The following VPS13D variants were observed in gnomAD, a reference collection of about 807,000 sequenced individuals.
VPS13D encodes intermembrane lipid transfer protein VPS13D.
VPS13D carries 187 observed loss-of-function variants against 461.9 expected under a neutral mutation model. The observed-to-expected ratio is 0.40, with a 90% CI of 0.36 to 0.46. The LOEUF (loss-of-function observed/expected upper bound fraction) is 0.46. VPS13D is among the 20% of genes least tolerant of loss of function. The probability of loss-of-function intolerance (pLI) is 0.60; values close to 1 mark genes in which losing one functional copy is unlikely to be tolerated. For missense variants in VPS13D, 4,711 were observed against 5,364.9 expected, an observed-to-expected ratio of 0.88 and a Z score of 3.81; for synonymous variants, 1,951 against 1,986.3, an observed-to-expected ratio of 0.98 and a Z score of 0.47.
chr1:12,245,604 A>C (rs1466644921), intron 5 of VPS13D, among the ~76,000 whole-genome samples: 1 of 152,176 alleles, frequency 6.6e-6, no homozygotes, highest in Non-Finnish European at 1.5e-5. Context: ...TGTACCTGTA[A>C]TCCCAGCTAC....
In VPS13D at chr1:12,495,921, C is replaced by T. The variant is rs944955487; in HGVS notation, c.12663-1579C>T. Among the ~76,000 whole-genome samples, 4 of 152,190 alleles carry T rather than the reference C, an allele frequency of 2.6e-5. No homozygotes were observed. Among genetic ancestry groups the T allele is most frequent in the Non-Finnish European group, 4.4e-5 (3 of 68,034 alleles). ...CACGCCAAGCTCCTTCCCCCAACCC[C>T]GCTGCCTGCAGAGGTTACCAGCATC... On this transcript the variant is annotated intron_variant, in intron 67 of 69. Transcript: ENST00000620676. This position sits in a 1 kb window ranked among gnomAD's most constrained non-coding sequence, Gnocchi z 4.0.
intron 68 of VPS13D, among the ~76,000 whole-genome samples, chr1:12,501,080 C>T (rs756945838): frequency 5.3e-5 from 8 of 151,866 alleles, no homozygotes; most frequent in Admixed American, 2.0e-4. Context: ...GCATGGTTAG[C>T]AAATCCAAGA....
intron 67 of VPS13D, among the ~76,000 whole-genome samples, chr1:12,472,026 C>G (rs1645569442): frequency 6.6e-6 from 1 of 152,174 alleles, no homozygotes; most frequent in Non-Finnish European, 1.5e-5. Context: ...AATTCTCCCT[C>G]TTGATGTCCT....
Position 12,389,138 on chromosome 1 carries a change from T to C in VPS13D, c.11634+2804T>C, listed in dbSNP as rs566555315. Among the ~76,000 whole-genome samples, 16 of 152,300 alleles carry C rather than the reference T, an allele frequency of 1.1e-4. No homozygotes were observed. In the South Asian group the frequency reaches 3.3e-3, roughly 32 times the overall value. On this transcript the variant is annotated intron_variant, in intron 60 of 69. Transcript: ENST00000620676. The stretch of plus-strand genomic sequence containing the variant: ...GAAAGCATCCAGCATGGGAGAAAGA[T>C]GTAGGCTGGGAGGGTAGGCCTGTCT...
chr1:12,501,561 G>T (rs987732835), intron 68 of VPS13D, among the ~76,000 whole-genome samples: 2 of 152,222 alleles, frequency 1.3e-5, no homozygotes, highest in African/African-American at 4.8e-5. Flanking sequence ...AGCATCCAAA[G>T]TTGCCTGTGC....
chr1:12,488,948 T>C (rs1357312905), intron 67 of VPS13D, among the ~76,000 whole-genome samples: 1 of 152,222 alleles, frequency 6.6e-6, no homozygotes, highest in East Asian at 1.9e-4. Flanking sequence ...CGCCTTGTTC[T>C]TCCATGATGT....
At position 12,308,423 on chromosome 1, in the gene VPS13D, C is replaced by T; in HGVS notation, c.6440-8C>T. The T allele has an allele frequency of 5.0e-6, 8 of 1,613,982 alleles. No individual in the cohort carries two copies. Among genetic ancestry groups the T allele is most frequent in the South Asian group, 1.1e-5 (1 of 91,044 alleles). On this transcript the variant is annotated splice_polypyrimidine_tract_variant and splice_region_variant and intron_variant, in intron 26 of 69. Transcript: ENST00000620676. Reference sequence around the variant, plus strand: ...CTTCATTACCTCTCTTTCCTTGGGTCCTTGTAGAAGACCATGTCTGCCTGC... The same window carrying T: ...CTTCATTACCTCTCTTTCCTTGGGTTCTTGTAGAAGACCATGTCTGCCTGC...
At chr1:12,506,668 C>T (rs1396631540) in intron 68 of VPS13D, among the ~76,000 whole-genome samples, 185 bp from the exon 69 acceptor site, 1 of 152,266 alleles carries the variant, frequency 6.6e-6, no homozygotes, top group African/African-American at 2.4e-5. Context: ...TTTAAGCTAT[C>T]CAAAAATGCT....
chr1:12,467,385 C>T (rs544221524), intron 67 of VPS13D, among the ~76,000 whole-genome samples: 66 of 152,162 alleles, frequency 4.3e-4, no homozygotes, highest in African/African-American at 1.4e-3. Flanking sequence ...TTGGCCAGGC[C>T]GGTCTCGAAC....
intron 68 of VPS13D, among the ~76,000 whole-genome samples, chr1:12,504,935 C>T (rs911947720): frequency 3.3e-5 from 5 of 151,612 alleles, no homozygotes; most frequent in Non-Finnish European, 2.9e-5. Flanking sequence ...AGGGTGGTGG[C>T]GCTGGGGGCT....
intron 67 of VPS13D, among the ~76,000 whole-genome samples, chr1:12,483,653 TATA>T (rs1275122016): frequency 6.6e-6 from 1 of 152,208 alleles, no homozygotes; most frequent in Non-Finnish European, 1.5e-5. Context: ...ATCATGACTT[TATA>T]AAAGACCATC....
At chr1:12,332,968 G>C (rs914084595) in intron 37 of VPS13D, among the ~76,000 whole-genome samples, 1 of 152,132 alleles carries the variant, frequency 6.6e-6, no homozygotes, top group Non-Finnish European at 1.5e-5. Flanking sequence ...CACATACACT[G>C]CCTGCCCTCC....
In VPS13D at chr1:12,277,220, T is replaced by C; in HGVS notation, c.3632T>C (p.Phe1211Ser). Reference protein sequence around the residue: ...TKVNVSMGSTFDMNGSLGCLQ... With the variant: ...TKVNVSMGSTSDMNGSLGCLQ... ...GTTAATGTCTCAATGGGTAGCACGT[T>C]TGACATGAATGGTTCTCTTGGCTGT... is the stretch of plus-strand genomic sequence containing the variant. Residue 1211 changes from phenylalanine to serine, a missense_variant, in exon 19 of 70, where the codon TTT (phenylalanine) becomes TCT (serine). Physicochemically the swap from Phe to Ser is radical, Grantham distance 155. Coordinates refer to ENST00000620676, the MANE Select transcript of VPS13D (RefSeq NM_015378.4). 6.2e-7 allele frequency: 1 copy of C among 1,614,226 alleles called. No individual in the cohort carries two copies. The highest frequency in any genetic ancestry group is 1.1e-5 in the South Asian group (1 of 91,084).
Position 12,276,039 on chromosome 1 carries a change from C to T in VPS13D, c.2451C>T (p.Tyr817=), listed in dbSNP as rs1641601300. Residue 817 remains tyrosine, a synonymous_variant, in exon 19 of 70, where the codon TAC becomes TAT. Coordinates refer to ENST00000620676, the MANE Select transcript of VPS13D (RefSeq NM_015378.4). The surrounding 1 kb of genome is among the most constrained non-coding windows in gnomAD (Gnocchi z 4.5). ...HLMSTKMYER[Y]SLSFMDLQIM... ...TGAGCACAAAGATGTATGAGAGGTA[C>T]TCGCTGTCATTTATGGACCTCCAGA... 1 of 1,614,086 alleles carries T rather than the reference C, an allele frequency of 6.2e-7. No homozygotes were observed. The highest frequency in any genetic ancestry group is 8.5e-7 in the Non-Finnish European group (1 of 1,180,030).
intron 67 of VPS13D, among the ~76,000 whole-genome samples, chr1:12,475,489 C>G (rs1210135235): frequency 6.6e-6 from 1 of 151,930 alleles, no homozygotes; most frequent in Non-Finnish European, 1.5e-5. Context: ...TATGGCAGCC[C>G]GATAATGGAT....
chr1:12,257,266 A>T (rs1434921468), intron 9 of VPS13D, among the ~76,000 whole-genome samples, 179 bp downstream of exon 9: 5 of 152,136 alleles, frequency 3.3e-5, no homozygotes. Flanking sequence ...CTTTCTGTAT[A>T]TTTATTTGGT....
rs574344070 is a variant in VPS13D, at chr1:12,389,950, T to G, written c.11634+3616T>G. Among the ~76,000 whole-genome samples, 564 of 152,362 alleles carry G rather than the reference T, an allele frequency of 3.7e-3. 5 individuals carry two copies. The highest frequency in any genetic ancestry group is 0.013 in the African/African-American group (529 of 41,588). On this transcript the variant is annotated intron_variant, in intron 60 of 69. Transcript: ENST00000620676. ...TGTGGAGTAGTAGACTGATTTCATC[T>G]TGATAATCTGGGTCAGTCACCCCAG...
rs76618439 is a variant in VPS13D at position 12,438,623 on chromosome 1, G to A, written c.12334-17375G>A. Among the ~76,000 whole-genome samples the A allele has an allele frequency of 1.4e-4, 22 of 152,186 alleles. No homozygotes were observed. In the East Asian group the frequency reaches 4.2e-3, roughly 29 times the overall value. On this transcript the variant is annotated intron_variant, in intron 65 of 69. Transcript: ENST00000620676. Reference sequence around the variant, plus strand: ...AAACACAGATCAGCACCCAGCCCTTGCCGACCACATGAAACCTAAGATCTC... The same window carrying A: ...AAACACAGATCAGCACCCAGCCCTTACCGACCACATGAAACCTAAGATCTC...
At chr1:12,488,167 T>C (rs1404296692) in intron 67 of VPS13D, among the ~76,000 whole-genome samples, 1 of 152,222 alleles carries the variant, frequency 6.6e-6, no homozygotes, top group Non-Finnish European at 1.5e-5. Context: ...AGATACAATT[T>C]TAAATACTGC....
Sources: allele counts gnomAD v4.1 joint callset (sites outside exome capture counted in the v4.1 genomes callset), GRCh38; gene constraint gnomAD v4.1.1; non-coding constraint Gnocchi (gnomAD v3.1); transcripts MANE v1.5; gene names NCBI Gene and HGNC (gene_info 2026-07-23, HGNC 2026-07-21).